TMEM9: variants seen among roughly 807,000 people sequenced by gnomAD.
TMEM9 encodes proton-transporting V-type ATPase complex assembly regulator TMEM9.
In TMEM9, 13 loss-of-function variants were observed where a neutral mutation model predicts 22.8. The observed-to-expected ratio is 0.57, with a 90% CI of 0.37 to 0.91. The LOEUF is 0.91. TMEM9 is among the 40% of genes least tolerant of loss of function. The pLI, the probability that TMEM9 is intolerant of heterozygous loss-of-function variation, is 0.01. For synonymous variants in TMEM9, 88 were observed against 93.0 expected (o/e 0.95, Z 0.31); for missense variants, 182 against 238.1 (o/e 0.76, Z 1.55).
At chr1:201,156,234 A>G (rs577572216), upstream of TMEM9, among the ~76,000 whole-genome samples, 4 of 152,252 alleles carry the variant, frequency 2.6e-5, no homozygotes, top group African/African-American at 9.6e-5. Flanking sequence ...GCATCAAACT[A>G]TCTTTGACTC....
chr1:201,138,342 A>G (rs1248129345), intron 4 of TMEM9, among the ~76,000 whole-genome samples: 1 of 152,220 alleles, frequency 6.6e-6, no homozygotes, highest in Non-Finnish European at 1.5e-5. Context: ...AGTGGGGGAA[A>G]GCTGCCACTG....
At chr1:201,147,191 C>T (rs1024571026) in intron 2 of TMEM9, among the ~76,000 whole-genome samples, 2 of 152,176 alleles carry the variant, frequency 1.3e-5, no homozygotes, top group African/African-American at 4.8e-5. Flanking sequence ...AGGTTCAACT[C>T]AGAAGCTGAC....
At chr1:201,153,360 G>C (rs1245442209) in intron 1 of TMEM9, among the ~76,000 whole-genome samples, 2 of 152,196 alleles carry the variant, frequency 1.3e-5, no homozygotes, top group African/African-American at 4.8e-5. Context: ...GTTCAGTGTA[G>C]ATAAACTTTG....
chr1:201,168,336 T>G (rs1666127767), intron 1 of TMEM9, among the ~76,000 whole-genome samples: 1 of 152,222 alleles, frequency 6.6e-6, no homozygotes, highest in Non-Finnish European at 1.5e-5. Flanking sequence ...TGTATGAATC[T>G]TGTATGAATA....
At chr1:201,138,560 G>A (rs531785199) in intron 4 of TMEM9, among the ~76,000 whole-genome samples, 1 of 152,290 alleles carries the variant, frequency 6.6e-6, no homozygotes, top group African/African-American at 2.4e-5. Flanking sequence ...CAGTTAGGAG[G>A]GGAGGCGGGT....
rs755111344 is a variant in TMEM9, at chr1:201,143,945, T to C, written c.274A>G (p.Ile92Val). 38 of 1,614,036 alleles carry C rather than the reference T, an allele frequency of 2.4e-5. No individual in the cohort carries two copies. Among genetic ancestry groups the C allele is most frequent in the Non-Finnish European group, 3.1e-5 (37 of 1,179,972 alleles). Residue 92 changes from isoleucine (I) to valine (V), a missense_variant, in exon 4 of 5, where the codon ATT becomes GTT. Physicochemically the swap from Ile to Val is conservative, Grantham distance 29. Transcript: ENST00000367330. ...ERSTTTIKVI[I>V]VIYLSVVGAL... is the part of the protein sequence containing the mutation. ...CCCACCACGGACAGGTAGATGACAA[T>C]GATGACCTGAGGAAGAGACCGGCGT...
At chr1:201,165,153 TATA>T (rs370128790) in intron 1 of TMEM9, among the ~76,000 whole-genome samples, 39,120 of 106,934 alleles carry the variant, frequency 0.37, 5,689 homozygotes, top group Middle Eastern at 0.38. Flanking sequence ...GAGAAAATTA[TATA>T]TATATATATA....
At chr1:201,147,311 C>A (rs1157735121) in intron 2 of TMEM9, among the ~76,000 whole-genome samples, 1 of 152,166 alleles carries the variant, frequency 6.6e-6, no homozygotes. Flanking sequence ...CCCTGCACAC[C>A]CTTTGCCCTC....
chr1:201,135,511 C>T lies in TMEM9; in HGVS notation c.*152G>A, dbSNP rs1241675095. 3 of 761,482 alleles carry T rather than the reference C, an allele frequency of 3.9e-6. No homozygotes were observed. The highest frequency in any genetic ancestry group is 6.0e-6 in the Non-Finnish European group (3 of 500,644). 47.2% of individuals were successfully genotyped at this position (761,482 alleles called of 1,614,324 possible). The stretch of plus-strand genomic sequence containing the variant: ...CCCTAATCAAAATAGCCAAGTACAA[C>T]ATTTCTAAAGTTAGGGAGAAGGAGG... On this transcript the variant is annotated 3_prime_UTR_variant, in exon 5 of 5. Transcript: ENST00000367330.
In TMEM9 at chr1:201,135,785, A is replaced by C; in HGVS notation, c.430T>G (p.Ser144Ala). The change falls in exon 5 of 5, where the codon TCC becomes GCC. Residue 144 changes from serine (S) to alanine (A), a missense_variant. Physicochemically the swap from Ser to Ala is moderately conservative, Grantham distance 99. Coordinates refer to ENST00000367330, the MANE Select transcript of TMEM9 (RefSeq NM_001288565.2). ...GTGTTTGCTCGGGGTCCCCCGAGGG[A>C]TGCAGCAGCTGCTGCCATAGAGCGA... ...DARSMAAAAA[S>A]LGGPRANTVL... 6.2e-7 allele frequency: 1 copy of C among 1,611,460 alleles called. No homozygotes were observed. Among genetic ancestry groups the C allele is most frequent in the Non-Finnish European group, 8.5e-7 (1 of 1,178,906 alleles).
chr1:201,166,366 C>CTT (rs10712932), intron 1 of TMEM9, among the ~76,000 whole-genome samples: 1 of 141,882 alleles, frequency 7.0e-6, no homozygotes, highest in African/African-American at 2.6e-5. Context: ...GACTATGATT[C>CTT]TTTTTTTTTT....
chr1:201,157,613 A>C (rs6656035), upstream of TMEM9, among the ~76,000 whole-genome samples: 43,373 of 152,106 alleles, frequency 0.29, 6,380 homozygotes, highest in East Asian at 0.44. Context: ...TCCCTTCAAA[A>C]ATTTTTTGAG....
At chr1:201,150,379 C>G (rs867848064) in intron 2 of TMEM9, among the ~76,000 whole-genome samples, 1 of 152,306 alleles carries the variant, frequency 6.6e-6, no homozygotes, top group Middle Eastern at 3.4e-3. Context: ...TTAATATCAG[C>G]TAACATTTAT....
At chr1:201,139,191 A>G (rs185539389) in intron 4 of TMEM9, among the ~76,000 whole-genome samples, 268 of 152,246 alleles carry the variant, frequency 1.8e-3, no homozygotes, top group African/African-American at 6.3e-3. Flanking sequence ...GGAGAGTGAG[A>G]ACCCCACCTC....
intron 1 of TMEM9, among the ~76,000 whole-genome samples, chr1:201,160,753 G>A (rs532113914): frequency 1.3e-5 from 2 of 151,970 alleles, no homozygotes; most frequent in South Asian, 2.1e-4. Flanking sequence ...TGGCTAACAC[G>A]GTGAAACCCC....
chr1:201,149,359 C>T lies in TMEM9; in HGVS notation c.158+2402G>A, dbSNP rs557645309. ...GGCTGAGGGACAGTTCCCTCTCAGGCAGAGCAATTCCGACTTTTATGTTTT... is the reference window on the plus strand; with the variant it reads ...GGCTGAGGGACAGTTCCCTCTCAGGTAGAGCAATTCCGACTTTTATGTTTT... On this transcript the variant is annotated intron_variant, in intron 2 of 4. Transcript: ENST00000367330. Among the ~76,000 whole-genome samples the T allele has an allele frequency of 7.2e-5, 11 of 152,276 alleles. No homozygotes were observed. The East Asian group carries it at 2.1e-3, about 29-fold the overall frequency.
At chr1:201,164,762 G>A (rs976080147) in intron 1 of TMEM9, among the ~76,000 whole-genome samples, 4 of 152,106 alleles carry the variant, frequency 2.6e-5, no homozygotes, top group African/African-American at 9.7e-5. Flanking sequence ...CAGTTGGAAA[G>A]ATGCTGCCAA....
At chr1:201,143,045 T>C (rs1008476599) in intron 4 of TMEM9, among the ~76,000 whole-genome samples, 23 of 152,192 alleles carry the variant, frequency 1.5e-4, no homozygotes, top group African/African-American at 5.6e-4. Context: ...TGAGGATGAA[T>C]GGGAAGACGG....
intron 1 of TMEM9, among the ~76,000 whole-genome samples, chr1:201,152,299 A>T (rs1473688244): frequency 1.3e-5 from 2 of 152,276 alleles, no homozygotes; most frequent in East Asian, 3.9e-4. Flanking sequence ...GGGAAACATA[A>T]AGGGCGAGGG....
Sources: gnomAD v4.1 joint callset for allele counts (sites outside exome capture counted in the v4.1 genomes callset) on GRCh38, gnomAD v4.1.1 for gene constraint, MANE v1.5 for transcripts, NCBI Gene and HGNC (gene_info 2026-07-23, HGNC 2026-07-21) for gene names.